Variants in PLLP observed in about 807,000 individuals in gnomAD.
The protein encoded by PLLP is plasma membrane proteolipid (plasmolipin).
A neutral mutation model predicts 19.7 loss-of-function variants in PLLP; 15 were observed. That is an observed-to-expected ratio of 0.76 (90% CI 0.51 to 1.17). The LOEUF (loss-of-function observed/expected upper bound fraction) is 1.17, where lower values mean the gene tolerates loss of function less well. Among genes scored for constraint, PLLP ranks in the 50% most tolerant of loss-of-function variants. The pLI, the probability that PLLP is intolerant of heterozygous loss-of-function variation, is 0.00. For missense variants in PLLP, 255 were observed against 258.3 expected (o/e 0.99, Z 0.09); for synonymous variants, 111 against 116.3 (o/e 0.95, Z 0.29).
At chr16:57,267,218 T>C (rs1047830173) in intron 1 of PLLP, among the ~76,000 whole-genome samples, 15 of 152,156 alleles carry the variant, frequency 9.9e-5, no homozygotes, top group African/African-American at 3.4e-4. Context: ...TTGCAATGTG[T>C]TCCCCAAAAT....
At chr16:57,261,367 C>A (rs1567529127) in intron 2 of PLLP, among the ~76,000 whole-genome samples, 1 of 152,106 alleles carries the variant, frequency 6.6e-6, no homozygotes, top group Non-Finnish European at 1.5e-5. Context: ...CCCCTCACTT[C>A]TACTCCCCTC....
At chr16:57,275,013 G>A (rs1597964507) in intron 1 of PLLP, among the ~76,000 whole-genome samples, 1 of 151,816 alleles carries the variant, frequency 6.6e-6, no homozygotes, top group African/African-American at 2.4e-5. Flanking sequence ...CGCCCGCCTC[G>A]GCCTCCCAAA....
intron 1 of PLLP, among the ~76,000 whole-genome samples, chr16:57,278,966 C>T (rs1455366030): frequency 6.6e-6 from 1 of 152,204 alleles, no homozygotes; most frequent in Non-Finnish European, 1.5e-5. Context: ...CTCCCAAGTG[C>T]CCAAGGATGG....
chr16:57,262,501 G>A (rs1039577601), intron 1 of PLLP, among the ~76,000 whole-genome samples: 4 of 151,990 alleles, frequency 2.6e-5, no homozygotes, highest in Non-Finnish European at 4.4e-5. Flanking sequence ...GCAGTGAGCT[G>A]AGATCACGCC....
At chr16:57,273,195 G>A (rs1311512835) in intron 1 of PLLP, among the ~76,000 whole-genome samples, 2 of 151,832 alleles carry the variant, frequency 1.3e-5, no homozygotes, top group African/African-American at 4.8e-5. Flanking sequence ...GGGAGGCGGA[G>A]CTTGCAGTGA....
chr16:57,263,695 GC>G (rs1292926108), intron 1 of PLLP, among the ~76,000 whole-genome samples: 8 of 146,474 alleles, frequency 5.5e-5, no homozygotes. Context: ...CTCGGATGTG[GC>G]CATCCTGGGC....
Position 57,256,929 on chromosome 16 carries a change from G to A in PLLP, c.533C>T (p.Ala178Val), listed in dbSNP as rs756501535. ...ACAGGTGGTTTAGGCATAGCCGCCA[G>A]CCATCTGACTGGTGGCCGCATTGCT... is the stretch of plus-strand genomic sequence containing the variant. ...VGSNAATSQMAGGYA is the reference protein window; with the variant it reads ...VGSNAATSQMVGGYA Residue 178 changes from alanine (A) to valine (V), a missense_variant, in exon 4 of 4, where the codon GCT becomes GTT. Transcript: ENST00000219207. 3.1e-6 allele frequency: 5 copies of A among 1,612,000 alleles called. No individual in the cohort carries two copies. The highest frequency in any genetic ancestry group is 2.2e-5 in the East Asian group (1 of 44,888).
rs149143592 is a variant in PLLP at position 57,271,791 on chromosome 16, G to A, written c.136-9721C>T. ...AGGCCGCCCCCAGGTGTGTGAAGGC[G>A]GGTAGGGGCCTCTTCAGTGACACTC... On this transcript the variant is annotated intron_variant, in intron 1 of 3. Transcript: ENST00000219207. Among the ~76,000 whole-genome samples, 750 of 152,134 alleles carry A rather than the reference G, an allele frequency of 4.9e-3. 9 individuals are homozygous for A. The highest frequency in any genetic ancestry group is 0.017 in the African/African-American group (694 of 41,502).
chr16:57,277,731 C>T (rs1157189089), intron 1 of PLLP, among the ~76,000 whole-genome samples: 1 of 152,142 alleles, frequency 6.6e-6, no homozygotes, highest in Non-Finnish European at 1.5e-5. Flanking sequence ...CATGCCCAGA[C>T]AGCACCTATC....
chr16:57,265,560 G>C (rs1289329795), intron 1 of PLLP, among the ~76,000 whole-genome samples: 3 of 152,170 alleles, frequency 2.0e-5, no homozygotes, highest in African/African-American at 7.2e-5. Flanking sequence ...TCAATCACCT[G>C]TCCCATGACT....
Position 57,283,570 on chromosome 16 carries a change from C to T in PLLP, c.135+836G>A, listed in dbSNP as rs148521985. 3.4e-3 allele frequency among the ~76,000 whole-genome samples: 519 copies of T among 152,352 alleles called. 5 individuals are homozygous for T. The highest frequency in any genetic ancestry group is 6.0e-3 in the Non-Finnish European group (411 of 68,038). On this transcript the variant is annotated intron_variant, in intron 1 of 3. Coordinates refer to ENST00000219207, the MANE Select transcript of PLLP (RefSeq NM_015993.3). The stretch of plus-strand genomic sequence containing the variant: ...CCCACCCAGGGCACCCACCCAGCTT[C>T]CAGACCCTCACGAAAGGGTGGCAGA...
At chr16:57,266,922 T>A (rs369326779) in intron 1 of PLLP, among the ~76,000 whole-genome samples, 7 of 151,568 alleles carry the variant, frequency 4.6e-5, no homozygotes, top group African/African-American at 1.7e-4. Context: ...ATTAGGAACT[T>A]TTTTTTACAT....
chr16:57,263,002 C>A (rs1260015456), intron 1 of PLLP, among the ~76,000 whole-genome samples: 1 of 152,130 alleles, frequency 6.6e-6, no homozygotes, highest in Non-Finnish European at 1.5e-5. Context: ...CTCACAGCTA[C>A]GTCCCCACAC....
intron 1 of PLLP, among the ~76,000 whole-genome samples, chr16:57,277,150 C>A (rs1410502733): frequency 2.6e-5 from 4 of 152,162 alleles, no homozygotes; most frequent in Non-Finnish European, 4.4e-5. Flanking sequence ...TTGCATAGGT[C>A]TCCTTAAAGA....
intron 2 of PLLP, among the ~76,000 whole-genome samples, chr16:57,259,976 A>C (rs1180643942): frequency 1.5e-5 from 2 of 131,082 alleles, no homozygotes; most frequent in Non-Finnish European, 1.6e-5. Context: ...GACTTTGTCT[A>C]AAAAAAAAAA....
In PLLP at chr16:57,262,015, G is replaced by A. The variant is rs201731371; in HGVS notation, c.191C>T (p.Pro64Leu). 24 of 1,614,146 alleles carry A rather than the reference G, an allele frequency of 1.5e-5. No homozygotes were observed. Among genetic ancestry groups the A allele is most frequent in the Admixed American group, 5.0e-5 (3 of 60,010 alleles). Reference sequence around the variant, plus strand: ...GACGAACATCACCCAGCCATAGGCCGGATACAGGTGGTACGGGGTGTCCGC... The same window carrying A: ...GACGAACATCACCCAGCCATAGGCCAGATACAGGTGGTACGGGGTGTCCGC... The part of the protein sequence containing the change: ...LIADTPYHLY[P>L]AYGWVMFVAV... Residue 64 changes from proline (P) to leucine (L), a missense_variant, in exon 2 of 4, where the codon CCG becomes CTG. Transcript: ENST00000219207.
intron 1 of PLLP, among the ~76,000 whole-genome samples, chr16:57,265,507 A>T: frequency 6.6e-6 from 1 of 152,256 alleles, no homozygotes; most frequent in Non-Finnish European, 1.5e-5. Flanking sequence ...ATGAACCAAA[A>T]ATCAAGAAAA....
chr16:57,274,982 C>T (rs572284116), intron 1 of PLLP, among the ~76,000 whole-genome samples: 2 of 151,592 alleles, frequency 1.3e-5, no homozygotes, highest in Admixed American at 1.3e-4. Context: ...AGGATGGTCT[C>T]AATCTCCTGA....
Position 57,256,948 on chromosome 16 carries a change from C to T in PLLP, c.514G>A (p.Ala172Thr). The change falls in exon 4 of 4, where the codon GCG becomes ACG. Residue 172 changes from alanine to threonine, a missense_variant. Coordinates refer to ENST00000219207, the MANE Select transcript of PLLP (RefSeq NM_015993.3). Reference protein sequence around the residue: ...YQAWRGVGSNAATSQMAGGYA With the variant: ...YQAWRGVGSNTATSQMAGGYA ...CCGCCAGCCATCTGACTGGTGGCCG[C>T]ATTGCTGCCTACTCCTCGCCAGGCC... 1.9e-6 allele frequency: 3 copies of T among 1,613,852 alleles called. No homozygotes were observed. The highest frequency in any genetic ancestry group is 2.5e-6 in the Non-Finnish European group (3 of 1,179,868).
Sources: gnomAD v4.1 joint callset for allele counts (sites outside exome capture counted in the v4.1 genomes callset) on GRCh38, gnomAD v4.1.1 for gene constraint, MANE v1.5 for transcripts, NCBI Gene and HGNC (gene_info 2026-07-23, HGNC 2026-07-21) for gene names.